The following SEMA3A variants were observed in gnomAD, a reference collection of about 807,000 sequenced individuals.
The protein encoded by SEMA3A is semaphorin 3A, also known as semaphorin-3A.
Under a neutral mutation model 97.9 loss-of-function variants are expected in SEMA3A, and 29 were observed. The observed-to-expected ratio is 0.30, with a 90% CI of 0.22 to 0.40. The LOEUF (loss-of-function observed/expected upper bound fraction) is 0.40, where lower values mean the gene tolerates loss of function less well. Among genes scored for constraint, SEMA3A ranks in the 10% least tolerant of loss-of-function variants. The pLI, the probability that SEMA3A is intolerant of heterozygous loss-of-function variation, is 1.00. For synonymous variants in SEMA3A, 321 were observed against 323.7 expected, an observed-to-expected ratio of 0.99 and a Z score of 0.09; for missense variants, 763 against 951.3, an observed-to-expected ratio of 0.80 and a Z score of 2.60.
At chr7:84,131,812 C>G (rs1015441897) in intron 2 of SEMA3A, among the ~76,000 whole-genome samples, 2 of 149,962 alleles carry the variant, frequency 1.3e-5, no homozygotes, top group Non-Finnish European at 3.0e-5. Flanking sequence ...ATTTATTTTG[C>G]GACAAGGTCT....
At chr7:83,966,127 TC>T (rs1248309765) in intron 15 of SEMA3A, among the ~76,000 whole-genome samples, 1 of 152,118 alleles carries the variant, frequency 6.6e-6, no homozygotes, top group African/African-American at 2.4e-5. Flanking sequence ...CAGGACATCC[TC>T]TGGTGGTGGC....
chr7:84,065,592 C>T (rs1185920100), intron 4 of SEMA3A, among the ~76,000 whole-genome samples: 2 of 149,538 alleles, frequency 1.3e-5, no homozygotes, highest in East Asian at 2.0e-4. Context: ...GGGGATATCA[C>T]CACTGATCCC....
At chr7:84,361,659 A>T (rs1053126467) in intron 2 of SEMA3A, among the ~76,000 whole-genome samples, 1 of 152,038 alleles carries the variant, frequency 6.6e-6, no homozygotes, top group Admixed American at 6.6e-5. Flanking sequence ...AATTACAATG[A>T]ATCTTATGAC....
chr7:84,174,419 G>A (rs1371181526), intron 1 of SEMA3A, among the ~76,000 whole-genome samples: 6 of 152,108 alleles, frequency 3.9e-5, no homozygotes, highest in Non-Finnish European at 7.4e-5. Flanking sequence ...AAGCATAGAC[G>A]TTTTTCCTTA....
At chr7:84,352,979 C>A (rs612337) in intron 2 of SEMA3A, among the ~76,000 whole-genome samples, 6 of 151,498 alleles carry the variant, frequency 4.0e-5, no homozygotes, top group South Asian at 4.1e-4. Context: ...CCCTTAGTAT[C>A]CATGAGGGAT....
At chr7:84,159,590 G>A (rs1432667670) in intron 1 of SEMA3A, among the ~76,000 whole-genome samples, 2 of 152,120 alleles carry the variant, frequency 1.3e-5, no homozygotes, top group East Asian at 3.9e-4. Context: ...GTAATTGTGG[G>A]GGAAATAAAA....
At chr7:84,430,391 C>G (rs1584319902) in intron 1 of SEMA3A, among the ~76,000 whole-genome samples, 1 of 151,866 alleles carries the variant, frequency 6.6e-6, no homozygotes, top group African/African-American at 2.4e-5. Context: ...TGCATAAGAA[C>G]TATTAAATTC....
intron 6 of SEMA3A, among the ~76,000 whole-genome samples, chr7:84,018,344 T>A (rs1006780098): frequency 1.3e-5 from 2 of 152,312 alleles, no homozygotes; most frequent in African/African-American, 4.8e-5. Context: ...ATTCTTTATG[T>A]AATCACTTAC....
chr7:84,218,305 T>A (rs1024987026), intron 3 of SEMA3A, among the ~76,000 whole-genome samples: 1 of 152,090 alleles, frequency 6.6e-6, no homozygotes, highest in East Asian at 1.9e-4. Context: ...TTTTATTATA[T>A]AAAAAGAGTT....
At chr7:84,124,665 AAAT>A (rs1795736825) in intron 3 of SEMA3A, among the ~76,000 whole-genome samples, 1 of 152,150 alleles carries the variant, frequency 6.6e-6, no homozygotes, top group Admixed American at 6.6e-5. Context: ...TCATTGTTAA[AAAT>A]AATAATGCTA....
At chr7:84,203,236 T>C (rs1027291617) in intron 3 of SEMA3A, among the ~76,000 whole-genome samples, 1 of 152,016 alleles carries the variant, frequency 6.6e-6, no homozygotes, top group African/African-American at 2.4e-5. Context: ...CCTATGTTTC[T>C]ACGGTGTTGA....
At chr7:84,013,045 T>C (rs572414664) in intron 7 of SEMA3A, among the ~76,000 whole-genome samples, 1 of 152,258 alleles carries the variant, frequency 6.6e-6, no homozygotes, top group East Asian at 1.9e-4. Context: ...GTAGAGGTAA[T>C]AATTAGATCA....
intron 3 of SEMA3A, among the ~76,000 whole-genome samples, chr7:84,219,987 T>C (rs1011919287): frequency 6.6e-6 from 1 of 152,162 alleles, no homozygotes; most frequent in Non-Finnish European, 1.5e-5. Context: ...GTTCACCATA[T>C]CCATTGTCTC....
chr7:84,062,889 T>A lies in SEMA3A; in HGVS notation c.454-2331A>T, dbSNP rs892589017. ...ACTTGATTAGGTAAACAAAGCAGCC[T>A]GGAAGCTCCAACTGGGTGGAGCCCA... On this transcript the variant is annotated intron_variant, in intron 4 of 16. Transcript: ENST00000265362. Among the ~76,000 whole-genome samples, 829 of 151,766 alleles carry A rather than the reference T, an allele frequency of 5.5e-3. 8 individuals are homozygous for A. Among genetic ancestry groups the A allele is most frequent in the African/African-American group, 0.018 (759 of 41,238 alleles).
At chr7:84,370,779 C>T (rs192819341) in intron 2 of SEMA3A, among the ~76,000 whole-genome samples, 1 of 151,274 alleles carries the variant, frequency 6.6e-6, no homozygotes, top group African/African-American at 2.4e-5. Flanking sequence ...TCTTTAGGGA[C>T]AAAAATAAGG....
intron 2 of SEMA3A, among the ~76,000 whole-genome samples, chr7:84,326,219 G>A (rs758676262): frequency 2.6e-4 from 40 of 152,144 alleles, no homozygotes; most frequent in Admixed American, 2.0e-4. Flanking sequence ...TTTTACAATA[G>A]TTTAGAGGAA....
intron 9 of SEMA3A, among the ~76,000 whole-genome samples, chr7:84,009,264 GA>G (rs1279801885): frequency 6.6e-6 from 1 of 152,190 alleles, no homozygotes; most frequent in Non-Finnish European, 1.5e-5. Context: ...TGAGTAAACA[GA>G]AGAAATGGAT....
At chr7:84,391,326 T>G (rs1435191525) in intron 1 of SEMA3A, among the ~76,000 whole-genome samples, 1 of 152,094 alleles carries the variant, frequency 6.6e-6, no homozygotes, top group Admixed American at 6.6e-5. Flanking sequence ...GGAAATACAC[T>G]AGCAACAAAA....
chr7:84,445,262 C>T (rs1017760684), intron 1 of SEMA3A, among the ~76,000 whole-genome samples: 3 of 151,396 alleles, frequency 2.0e-5, no homozygotes, highest in Non-Finnish European at 2.9e-5. Flanking sequence ...GAGGCTGAGG[C>T]GGGCGGATCA....
Sources: gnomAD v4.1 joint callset for allele counts (sites outside exome capture counted in the v4.1 genomes callset) on GRCh38, gnomAD v4.1.1 for gene constraint, MANE v1.5 for transcripts, NCBI Gene and HGNC (gene_info 2026-07-23, HGNC 2026-07-21) for gene names.